The following IQSEC1 variants were observed in gnomAD, a reference collection of about 807,000 sequenced individuals.
The protein encoded by IQSEC1 is IQ motif and Sec7 domain ArfGEF 1.
Under a neutral mutation model 91.0 loss-of-function variants are expected in IQSEC1, and 31 were observed. The observed-to-expected ratio is 0.34, with a 90% CI of 0.26 to 0.46. IQSEC1 has a LOEUF of 0.46. Ranked by LOEUF, IQSEC1 falls within the 20% of genes least tolerant of loss-of-function variation. The probability of loss-of-function intolerance (pLI) is 1.00; values close to 1 mark genes in which losing one functional copy is unlikely to be tolerated. For missense variants in IQSEC1, 1,388 were observed against 1,575.6 expected (o/e 0.88, Z 2.02); for synonymous variants, 699 against 662.6 (o/e 1.05, Z -0.84).
chr3:13,252,719 T>G (rs182119215), intron 1 of IQSEC1, among the ~76,000 whole-genome samples: 1 of 118,014 alleles, frequency 8.5e-6, no homozygotes, highest in African/African-American at 5.1e-5. Context: ...ATTATCTATG[T>G]TTTTTTTTGT....
At chr3:13,143,780 G>A (rs1388794322) in intron 2 of IQSEC1, among the ~76,000 whole-genome samples, 1 of 152,224 alleles carries the variant, frequency 6.6e-6, no homozygotes, top group Non-Finnish European at 1.5e-5. Flanking sequence ...ACTGAGGGAA[G>A]GAAGTAGAGC....
rs1255699235 is a variant in IQSEC1 at position 13,134,816 on chromosome 3, C to G, written c.302+29288G>C. 2.6e-5 allele frequency among the ~76,000 whole-genome samples: 4 copies of G among 152,166 alleles called. No homozygotes were observed. In the East Asian group the frequency reaches 7.7e-4, roughly 29 times the overall value. ...ACTGGGAGCTGAGACCTCCCTGAAG[C>G]AGTCAAGAGTCCCCACAGCTGGCCC... On this transcript the variant is annotated intron_variant, in intron 2 of 15. Transcript: ENST00000648114.
At chr3:12,902,667 A>C (rs1694468143) in intron 13 of IQSEC1, 106 bp downstream of exon 13, 2 of 537,238 alleles carry the variant, frequency 3.7e-6, no homozygotes, top group South Asian at 3.8e-5. Context: ...ACAAAAAAAA[A>C]ACCAAAAAAA....
At chr3:13,119,240 T>C (rs1421525250) in intron 2 of IQSEC1, among the ~76,000 whole-genome samples, 14 of 152,190 alleles carry the variant, frequency 9.2e-5, no homozygotes, top group Non-Finnish European at 2.1e-4. Context: ...AAAAAGCATA[T>C]GCCCATGTGA....
At chr3:13,142,519 C>T (rs1240428992) in intron 2 of IQSEC1, among the ~76,000 whole-genome samples, 1 of 152,222 alleles carries the variant, frequency 6.6e-6, no homozygotes, top group Non-Finnish European at 1.5e-5. Flanking sequence ...CTCTGGCTGC[C>T]TTCCTCCCTG....
chr3:13,023,152 C>T (rs1703475617), intron 1 of IQSEC1, among the ~76,000 whole-genome samples: 1 of 152,204 alleles, frequency 6.6e-6, no homozygotes, highest in African/African-American at 2.4e-5. Flanking sequence ...TCTAAGAGCC[C>T]ACGCTGGAGT....
intron 1 of IQSEC1, among the ~76,000 whole-genome samples, chr3:13,271,294 A>G (rs1695586799): frequency 6.6e-6 from 1 of 151,904 alleles, no homozygotes; most frequent in South Asian, 2.1e-4. Context: ...GGAGAATGGC[A>G]TGAACCCAGG....
intron 2 of IQSEC1, among the ~76,000 whole-genome samples, chr3:13,095,625 C>T (rs555772311): frequency 1.7e-4 from 26 of 152,184 alleles, no homozygotes; most frequent in African/African-American, 5.3e-4. Context: ...CTGGGTGGCT[C>T]GGTGGGGACG....
intron 1 of IQSEC1, among the ~76,000 whole-genome samples, chr3:13,051,639 C>G (rs1483590433): frequency 1.3e-5 from 2 of 152,204 alleles, no homozygotes; most frequent in Admixed American, 1.3e-4. Flanking sequence ...AAAAACCAAA[C>G]CGTCTGCCTC....
At chr3:12,948,716 A>G (rs1346174346) in intron 1 of IQSEC1, among the ~76,000 whole-genome samples, 3 of 152,228 alleles carry the variant, frequency 2.0e-5, no homozygotes, top group East Asian at 3.8e-4. Flanking sequence ...ATCGACAACG[A>G]CAATGGTAGT....
At chr3:13,183,596 A>T (rs972807181) in intron 1 of IQSEC1, among the ~76,000 whole-genome samples, 11 of 152,188 alleles carry the variant, frequency 7.2e-5, no homozygotes, top group African/African-American at 2.7e-4. Context: ...GAAAAACCAT[A>T]TGAAAAATCA....
intron 1 of IQSEC1, among the ~76,000 whole-genome samples, chr3:12,973,125 C>A (rs1700984634): frequency 6.6e-6 from 1 of 152,198 alleles, no homozygotes; most frequent in African/African-American, 2.4e-5. Flanking sequence ...GGGTTGTCCA[C>A]CCTGACCTAG....
At chr3:13,254,187 C>T (rs950620165) in intron 1 of IQSEC1, among the ~76,000 whole-genome samples, 1 of 152,254 alleles carries the variant, frequency 6.6e-6, no homozygotes. Context: ...TGAGATGCTC[C>T]ACCCACATCG....
intron 1 of IQSEC1, among the ~76,000 whole-genome samples, chr3:13,227,393 A>AAAAAG (rs1055638536): frequency 0.057 from 7,825 of 138,376 alleles, 508 homozygotes; most frequent in African/African-American, 0.13. Flanking sequence ...AAAAAAAAAA[A>AAAAAG]AAAGAAAGAA....
intron 1 of IQSEC1, among the ~76,000 whole-genome samples, chr3:13,011,625 G>A (rs1702886919): frequency 6.6e-6 from 1 of 152,206 alleles, no homozygotes; most frequent in South Asian, 2.1e-4. Flanking sequence ...CATTCACTGT[G>A]TAAACTCGGC....
chr3:12,995,928 C>T (rs556162006), intron 1 of IQSEC1, among the ~76,000 whole-genome samples: 1 of 152,162 alleles, frequency 6.6e-6, no homozygotes, highest in Non-Finnish European at 1.5e-5. Context: ...CCTGTAATCC[C>T]AGTGCTTTGG....
At chr3:13,253,400 C>T (rs1453813469) in intron 1 of IQSEC1, among the ~76,000 whole-genome samples, 1 of 152,136 alleles carries the variant, frequency 6.6e-6, no homozygotes, top group Admixed American at 6.5e-5. Context: ...CGGAAGTAAT[C>T]ATCCCCACCC....
chr3:12,913,814 G>A lies in IQSEC1; in HGVS notation c.2191-261C>T, dbSNP rs147314156. On this transcript the variant is annotated intron_variant, in intron 8 of 13. Transcript: ENST00000613206. ...GGACTAGGGACGTGCCCCAGCTTCTGCTGAGACCTCCTTTCCATTCTTTTG... is the reference window on the plus strand; with the variant it reads ...GGACTAGGGACGTGCCCCAGCTTCTACTGAGACCTCCTTTCCATTCTTTTG... Among the ~76,000 whole-genome samples the A allele has an allele frequency of 1.6e-3, 250 of 152,292 alleles. 1 individual carries two copies. The highest frequency in any genetic ancestry group is 5.8e-3 in the African/African-American group (242 of 41,568).
intron 2 of IQSEC1, among the ~76,000 whole-genome samples, chr3:13,131,903 C>G (rs548520659): frequency 3.5e-4 from 53 of 152,078 alleles, no homozygotes; most frequent in African/African-American, 1.2e-3. Context: ...TAGTTTTAAT[C>G]TCTATAATTT....
Sources: gnomAD v4.1 joint callset for allele counts (sites outside exome capture counted in the v4.1 genomes callset) on GRCh38, gnomAD v4.1.1 for gene constraint, MANE v1.5 for transcripts, NCBI Gene and HGNC (gene_info 2026-07-23, HGNC 2026-07-21) for gene names.